Variants in PPFIA1 observed in about 807,000 individuals in gnomAD.
PPFIA1 encodes the protein liprin-alpha-1.
In PPFIA1, 25 loss-of-function variants were observed where a neutral mutation model predicts 149.9. The ratio of observed to expected loss-of-function variants is 0.17; its 90% CI spans 0.12 to 0.23. The LOEUF (loss-of-function observed/expected upper bound fraction) is 0.23. Among genes scored for constraint, PPFIA1 ranks in the 10% least tolerant of loss-of-function variants. PPFIA1 has a pLI of 1.00. For synonymous variants in PPFIA1, 549 were observed against 552.8 expected (o/e 0.99, Z 0.10); for missense variants, 1,362 against 1,506.5 (o/e 0.90, Z 1.59).
chr11:70,322,093 G>C (rs1334361643), intron 2 of PPFIA1, among the ~76,000 whole-genome samples: 1 of 152,114 alleles, frequency 6.6e-6, no homozygotes, highest in African/African-American at 2.4e-5. Flanking sequence ...TGGTCAGGCT[G>C]GACTCGAACT....
chr11:70,378,565 TA>T (rs1201320569), intron 26 of PPFIA1: 3 of 576,536 alleles, frequency 5.2e-6, no homozygotes, highest in Middle Eastern at 8.6e-4. Context: ...CCAAACCACA[TA>T]ATTTACTGCT....
At chr11:70,306,777 A>C (rs932505681) in intron 2 of PPFIA1, among the ~76,000 whole-genome samples, 2 of 152,252 alleles carry the variant, frequency 1.3e-5, no homozygotes, top group African/African-American at 4.8e-5. Context: ...AGAAAAGGTA[A>C]ATAATGAAGT....
At chr11:70,301,220 C>T (rs960843427) in intron 2 of PPFIA1, among the ~76,000 whole-genome samples, 1 of 152,102 alleles carries the variant, frequency 6.6e-6, no homozygotes, top group African/African-American at 2.4e-5. Flanking sequence ...TGAGAACTAA[C>T]ATAAAGTATC....
At position 70,378,522 on chromosome 11, in the gene PPFIA1, C is replaced by T; in HGVS notation, c.3550+327C>T. On this transcript the variant is annotated intron_variant, in intron 26 of 27. Coordinates refer to ENST00000253925, the MANE Select transcript of PPFIA1 (RefSeq NM_003626.5). Reference sequence around the variant, plus strand: ...GTCTGTGACAGGCCGTGCTAGAAAGCTCTTTCAGGAAATAGTAGTGTAGTA... The same window carrying T: ...GTCTGTGACAGGCCGTGCTAGAAAGTTCTTTCAGGAAATAGTAGTGTAGTA... 4 of 978,008 alleles carry T rather than the reference C, an allele frequency of 4.1e-6. No homozygotes were observed. The South Asian group carries it at 1.4e-4, about 33-fold the overall frequency. 60.6% of individuals were successfully genotyped at this position (978,008 alleles called of 1,614,324 possible). A position where few individuals can be genotyped will look rare whatever the true frequency, so the allele number is the denominator to read the frequency against.
At position 70,378,062 on chromosome 11, in the gene PPFIA1, A is replaced by G. The variant is rs2057557150; in HGVS notation, c.3417A>G (p.Ser1139=). 1 of 1,613,856 alleles carries G rather than the reference A, an allele frequency of 6.2e-7. No homozygotes were observed. The highest frequency in any genetic ancestry group is 8.5e-7 in the Non-Finnish European group (1 of 1,179,836). ...ATAAAAGCTTTAGGAGAGCACCTTCATGGAGAAAAAAGTTTAGACCAAAGG... is the reference window on the plus strand; with the variant it reads ...ATAAAAGCTTTAGGAGAGCACCTTCGTGGAGAAAAAAGTTTAGACCAAAGG... The part of the protein sequence containing the change: ...DDDKSFRRAP[S]WRKKFRPKDI... The change falls in exon 26 of 28, where the codon TCA becomes TCG. Residue 1139 remains serine, a synonymous_variant. Transcript: ENST00000253925.
At chr11:70,324,279 C>T (rs2054135594) in intron 2 of PPFIA1, 123 bp from the exon 3 acceptor site, 1 of 634,242 alleles carries the variant, frequency 1.6e-6, no homozygotes, top group Non-Finnish European at 2.7e-6. Context: ...TGGAGGATCA[C>T]TGAGATCCCT....
chr11:70,277,103 C>G (rs1245562418), intron 2 of PPFIA1, among the ~76,000 whole-genome samples: 3 of 111,966 alleles, frequency 2.7e-5, no homozygotes, highest in African/African-American at 1.2e-4. Context: ...CTCCCAGGGT[C>G]AAGTCCTTAG....
chr11:70,277,060 A>ATAATATATATATATATATATATATTTT, intron 2 of PPFIA1, among the ~76,000 whole-genome samples: 1 of 66,326 alleles, frequency 1.5e-5, no homozygotes, highest in African/African-American at 1.2e-4. Context: ...ATATATATAT[A>ATAATATATATATATATATATATATTTT]TTTTTTTTTT....
chr11:70,348,355 T>C lies in PPFIA1; in HGVS notation c.2098T>C (p.Ser700Pro). 1 of 1,614,044 alleles carries C rather than the reference T, an allele frequency of 6.2e-7. No individual in the cohort carries two copies. The highest frequency in any genetic ancestry group is 8.5e-7 in the Non-Finnish European group (1 of 1,179,960). The change falls in exon 16 of 28, where the codon TCC (serine) becomes CCC (proline). Residue 700 changes from serine (S) to proline (P), a missense_variant. This residue lies in a region of PPFIA1 where 733 missense variants were observed against 744.1 expected (regional missense o/e 0.99). Coordinates refer to ENST00000253925, the MANE Select transcript of PPFIA1 (RefSeq NM_003626.5). ...ASSSPPGSGRSTPRRIPHSPA... is the reference protein window; with the variant it reads ...ASSSPPGSGRPTPRRIPHSPA... ...CTCCTCCCCTCCGGGCAGTGGGCGCTCCACCCCACGAAGGATCCCTCACAG... is the reference window on the plus strand; with the variant it reads ...CTCCTCCCCTCCGGGCAGTGGGCGCCCCACCCCACGAAGGATCCCTCACAG...
chr11:70,367,674 T>G (rs1256763164), intron 21 of PPFIA1: 2 of 453,620 alleles, frequency 4.4e-6, no homozygotes, highest in Non-Finnish European at 8.8e-6. Context: ...GGAGTTCATG[T>G]TATAGGCCAC....
chr11:70,339,441 T>G (rs2055178468), intron 14 of PPFIA1, 135 bp downstream of exon 14: 1 of 1,112,790 alleles, frequency 9.0e-7, no homozygotes, highest in East Asian at 2.6e-5. Context: ...ATTTTCTGAC[T>G]AAGAGTTTAG....
At chr11:70,326,116 C>G in intron 5 of PPFIA1, 146 bp from the exon 6 acceptor site, 1 of 561,502 alleles carries the variant, frequency 1.8e-6, no homozygotes, top group East Asian at 3.0e-5. Context: ...TGGTTATTTT[C>G]GGATTGGGTA....
Position 70,374,917 on chromosome 11 carries a change from G to T in PPFIA1, c.3140-1G>T. On this transcript the variant is annotated splice_acceptor_variant, in intron 23 of 27. Transcript: ENST00000253925. LOFTEE classifies it high-confidence loss of function. ...TTATAATTGTCTTTATTCTTTTGCAGACGTGCTTGTTTGGAGCAATGATCG... is the reference window on the plus strand; with the variant it reads ...TTATAATTGTCTTTATTCTTTTGCATACGTGCTTGTTTGGAGCAATGATCG... 6.2e-7 allele frequency: 1 copy of T among 1,610,964 alleles called. No homozygotes were observed. Among genetic ancestry groups the T allele is most frequent in the Non-Finnish European group, 8.5e-7 (1 of 1,179,004 alleles).
At chr11:70,339,940 C>T (rs1042267424) in intron 14 of PPFIA1, among the ~76,000 whole-genome samples, 2 of 151,988 alleles carry the variant, frequency 1.3e-5, no homozygotes, top group Non-Finnish European at 2.9e-5. Context: ...CGCTTGAACC[C>T]GGGAGGCGTT....
intron 14 of PPFIA1, 124 bp downstream of exon 14, chr11:70,339,430 T>A (rs1480864502): frequency 1.7e-6 from 2 of 1,158,560 alleles, no homozygotes; most frequent in Non-Finnish European, 2.4e-6. Context: ...TCTCATTTTC[T>A]ATTTTCTGAC....
intron 21 of PPFIA1, chr11:70,367,675 T>G: frequency 2.2e-6 from 1 of 453,616 alleles, no homozygotes; most frequent in Non-Finnish European, 4.4e-6. Flanking sequence ...GAGTTCATGT[T>G]ATAGGCCACT....
intron 1 of PPFIA1, chr11:70,271,934 C>T: frequency 2.0e-6 from 1 of 496,308 alleles, no homozygotes; most frequent in Non-Finnish European, 3.6e-6. Context: ...GAGGGTAGTC[C>T]TTTGGGATCT....
At chr11:70,333,597 C>A in intron 10 of PPFIA1, 44 bp downstream of exon 10, 1 of 1,495,362 alleles carries the variant, frequency 6.7e-7, no homozygotes. Context: ...GTGGGTGCTG[C>A]AAGGTCATTG....
At chr11:70,317,932 A>G (rs987404462) in intron 2 of PPFIA1, among the ~76,000 whole-genome samples, 7 of 152,034 alleles carry the variant, frequency 4.6e-5, no homozygotes, top group African/African-American at 9.7e-5. Flanking sequence ...CCGATATTCC[A>G]CCTTCCTGGG....
Sources: gnomAD v4.1 joint callset for allele counts (sites outside exome capture counted in the v4.1 genomes callset) on GRCh38, gnomAD v4.1.1 for gene constraint, gnomAD v4.1.1 regional missense constraint, MANE v1.5 for transcripts, NCBI Gene and HGNC (gene_info 2026-07-23, HGNC 2026-07-21) for gene names.